TNRC6A: variants seen among roughly 807,000 people sequenced by gnomAD.
The protein encoded by TNRC6A is trinucleotide repeat-containing gene 6A protein.
A neutral mutation model predicts 221.2 loss-of-function variants in TNRC6A; 44 were observed. The ratio of observed to expected loss-of-function variants is 0.20; its 90% confidence interval spans 0.16 to 0.26. The LOEUF is 0.26. Among genes scored for constraint, TNRC6A ranks in the 10% least tolerant of loss-of-function variants. TNRC6A has a pLI of 1.00. For missense variants in TNRC6A, 2,199 were observed against 2,404.4 expected (o/e 0.91, Z 1.79); for synonymous variants, 847 against 838.5 (o/e 1.01, Z -0.18).
At chr16:24,736,101 G>T (rs1272739652) in intron 2 of TNRC6A, among the ~76,000 whole-genome samples, 1 of 152,174 alleles carries the variant, frequency 6.6e-6, no homozygotes, top group East Asian at 1.9e-4. Context: ...GGAGGCGAGG[G>T]TTGCAGTGAG....
chr16:24,761,218 A>T (rs1346828832), intron 4 of TNRC6A, among the ~76,000 whole-genome samples: 1 of 152,252 alleles, frequency 6.6e-6, no homozygotes, highest in Non-Finnish European at 1.5e-5. Context: ...GGGACAACAT[A>T]GCTCTAAAGT....
At chr16:24,820,469 C>G in intron 22 of TNRC6A, 109 bp downstream of exon 22, 10 of 956,922 alleles carry the variant, frequency 1.0e-5, no homozygotes, top group Admixed American at 2.2e-5. Context: ...GCCTCACCTC[C>G]ATCAGGGGGA....
intron 1 of TNRC6A, among the ~76,000 whole-genome samples, chr16:24,620,368 G>A (rs1900604748): frequency 6.6e-6 from 1 of 152,164 alleles, no homozygotes; most frequent in African/African-American, 2.4e-5. Context: ...CTCAGTAGAG[G>A]GAGGTGGTAT....
At chr16:24,801,911 C>T (rs1165714844) in intron 11 of TNRC6A, among the ~76,000 whole-genome samples, 1 of 152,050 alleles carries the variant, frequency 6.6e-6, no homozygotes, top group Non-Finnish European at 1.5e-5. Flanking sequence ...GGAAAGAGTT[C>T]ACAATGGCTA....
rs564558809 is a variant in TNRC6A, at chr16:24,666,913, C to T, written n.402+25904C>T. Among the ~76,000 whole-genome samples, 10 of 151,324 alleles carry T rather than the reference C, an allele frequency of 6.6e-5. No homozygotes were observed. The East Asian group carries it at 1.6e-3, about 24-fold the overall frequency. On this transcript the variant is annotated intron_variant and non_coding_transcript_variant, in intron 2 of 2. Transcript: ENST00000566108. ...GGTGGATCATTTGGGATCAGGAGTTCGAGAGCAGCCTGGCCGATATGACGA... is the reference window on the plus strand; with the variant it reads ...GGTGGATCATTTGGGATCAGGAGTTTGAGAGCAGCCTGGCCGATATGACGA...
chr16:24,748,136 G>A (rs2057053421), intron 2 of TNRC6A, among the ~76,000 whole-genome samples: 1 of 152,186 alleles, frequency 6.6e-6, no homozygotes, highest in African/African-American at 2.4e-5. Flanking sequence ...TTTGTGCTAA[G>A]TAAGCAGTCC....
At chr16:24,629,000 A>T (rs1333047824) in intron 1 of TNRC6A, among the ~76,000 whole-genome samples, 2 of 152,216 alleles carry the variant, frequency 1.3e-5, no homozygotes, top group East Asian at 1.9e-4. Context: ...GTATATTTAC[A>T]GTTACTTGTA....
At chr16:24,622,530 G>A (rs1456506014) in intron 1 of TNRC6A, among the ~76,000 whole-genome samples, 1 of 152,130 alleles carries the variant, frequency 6.6e-6, no homozygotes, top group Non-Finnish European at 1.5e-5. Flanking sequence ...GGAGGCAGAG[G>A]TTGCAGTGAG....
chr16:24,774,674 C>T (rs2057683052), intron 4 of TNRC6A, among the ~76,000 whole-genome samples: 1 of 152,104 alleles, frequency 6.6e-6, no homozygotes, highest in East Asian at 1.9e-4. Context: ...TGCCAGATGC[C>T]ACACTAAGTC....
At chr16:24,725,892 G>A (rs898101283), upstream of TNRC6A, among the ~76,000 whole-genome samples, 1 of 151,764 alleles carries the variant, frequency 6.6e-6, no homozygotes, top group African/African-American at 2.4e-5. Context: ...CCTAGCTGCT[G>A]GAGAGGCTGA....
chr16:24,693,757 G>A (rs1220630611), intron 2 of TNRC6A, among the ~76,000 whole-genome samples: 1 of 151,810 alleles, frequency 6.6e-6, no homozygotes, highest in African/African-American at 2.4e-5. Context: ...AAAATTATCT[G>A]GATATGGTAG....
At chr16:24,685,872 A>G (rs1042336016) in intron 2 of TNRC6A, among the ~76,000 whole-genome samples, 5 of 152,218 alleles carry the variant, frequency 3.3e-5, no homozygotes, top group Non-Finnish European at 7.3e-5. Flanking sequence ...GCCTGACACA[A>G]CAGTTGTCTA....
At position 24,825,021 on chromosome 16, in the gene TNRC6A, GT is replaced by G. The variant is rs1164901670; in HGVS notation, c.*1217del. 6.6e-6 allele frequency: 1 copy of G among 152,634 alleles called. No homozygotes were observed. The highest frequency in any genetic ancestry group is 2.4e-5 in the African/African-American group (1 of 41,448). The allele number at this position is 152,634 out of a possible 1,614,324, so 9.5% of individuals were successfully genotyped here. On this transcript the variant is annotated 3_prime_UTR_variant, in exon 25 of 25. Coordinates refer to ENST00000395799, the MANE Select transcript of TNRC6A (RefSeq NM_014494.4). ...GTAATCCCATCAAGTGGCTCCATAT[GT>G]TTCTGCTCTCTCGTGACTGTGTTAA...
At chr16:24,811,427 T>A (rs2058541839) in intron 18 of TNRC6A, among the ~76,000 whole-genome samples, 1 of 152,038 alleles carries the variant, frequency 6.6e-6, no homozygotes. Context: ...AGAAGGAGAT[T>A]TTTTATTTTA....
intron 2 of TNRC6A, among the ~76,000 whole-genome samples, chr16:24,715,947 A>G (rs910098010): frequency 2.6e-5 from 4 of 152,004 alleles, no homozygotes; most frequent in African/African-American, 9.7e-5. Context: ...TATGGCATGC[A>G]TGTACTACAC....
At chr16:24,793,341 CACAGTATCATT>C in intron 6 of TNRC6A, 121 bp from the exon 7 acceptor site, 1 of 501,934 alleles carries the variant, frequency 2.0e-6, no homozygotes, top group Non-Finnish European at 3.3e-6. Flanking sequence ...TTTTGCCTAT[CACAGTATCATT>C]ATTCAGTACA....
intron 2 of TNRC6A, among the ~76,000 whole-genome samples, chr16:24,701,603 C>T (rs979568849): frequency 1.6e-4 from 24 of 152,030 alleles, no homozygotes; most frequent in Non-Finnish European, 2.9e-5. Flanking sequence ...TGACCTCAGG[C>T]GATCTGCCCG....
At chr16:24,778,368 C>G (rs1439950985) in intron 5 of TNRC6A, 3 of 982,442 alleles carry the variant, frequency 3.1e-6, no homozygotes, top group Non-Finnish European at 3.6e-6. Context: ...ATCCTGGACT[C>G]ACATCAAGAT....
rs533829153 is a variant in TNRC6A, at chr16:24,799,097, A to G, written c.3694+1131A>G. On this transcript the variant is annotated intron_variant, in intron 11 of 24. Transcript: ENST00000395799. ...GCTGCCAACCACTGGCGAGGTGAGC[A>G]TTGTAGGTGCCTTGTTGCTGGCAAA... is the stretch of plus-strand genomic sequence containing the variant. Among the ~76,000 whole-genome samples, 5 of 152,326 alleles carry G rather than the reference A, an allele frequency of 3.3e-5. No individual in the cohort carries two copies. The South Asian group carries it at 1.0e-3, about 32-fold the overall frequency.
Sources: gnomAD v4.1 joint callset for allele counts (sites outside exome capture counted in the v4.1 genomes callset) on GRCh38, gnomAD v4.1.1 for gene constraint, MANE v1.5 for transcripts, NCBI Gene and HGNC (gene_info 2026-07-23, HGNC 2026-07-21) for gene names.